ABL1: variants seen among roughly 807,000 people sequenced by gnomAD.
The protein encoded by ABL1 is tyrosine-protein kinase ABL1.
Under a neutral mutation model 94.7 loss-of-function variants are expected in ABL1, and 11 were observed. The observed-to-expected ratio is 0.12, with a 90% confidence interval of 0.07 to 0.19. The LOEUF (loss-of-function observed/expected upper bound fraction) is 0.19. ABL1 is among the 10% of genes least tolerant of loss of function. The pLI is 1.00. For missense variants in ABL1, 1,082 were observed against 1,489.4 expected (o/e 0.73, Z 4.50); for synonymous variants, 656 against 622.4 (o/e 1.05, Z -0.80).
chr9:130,867,316 T>C (rs773048295), intron 4 of ABL1, among the ~76,000 whole-genome samples: 54 of 152,244 alleles, frequency 3.5e-4, no homozygotes, highest in Non-Finnish European at 6.5e-4. Context: ...TTGTTCCTTA[T>C]TGATATACAT....
intron 1 of ABL1, among the ~76,000 whole-genome samples, chr9:130,743,494 C>T (rs1210346908): frequency 6.6e-6 from 1 of 152,214 alleles, no homozygotes; most frequent in African/African-American, 2.4e-5. Flanking sequence ...CCTAAGGTCT[C>T]TCTCTTGAGA....
chr9:130,884,678 G>A lies in ABL1; in HGVS notation c.2388G>A (p.Glu796=), dbSNP rs775513562. The change falls in exon 11 of 11, where the codon GAG becomes GAA. Residue 796 remains glutamate (E), a synonymous_variant. Transcript: ENST00000318560. The surrounding 1 kb of genome is among the most constrained non-coding windows in gnomAD (Gnocchi z 5.6). ...AAAAGAATGAGGAAGCTGCTGATGAGGTCTTCAAAGACATCATGGAGTCCA... is the reference window on the plus strand; with the variant it reads ...AAAAGAATGAGGAAGCTGCTGATGAAGTCTTCAAAGACATCATGGAGTCCA... ...LVKKNEEAAD[E]VFKDIMESSP... 1 of 1,612,964 alleles carries A rather than the reference G, an allele frequency of 6.2e-7. No individual in the cohort carries two copies. The highest frequency in any genetic ancestry group is 1.1e-5 in the South Asian group (1 of 91,070).
rs1410130165 is a variant in ABL1, at chr9:130,714,416, A to C, written c.97A>C (p.Arg33=). ...AGGAGCAGGGAAGAAGGAATCATCG[A>C]GGCATGGGGGTCCACACTGCAATGT... is the stretch of plus-strand genomic sequence containing the variant. Residue 33 remains arginine (R), a synonymous_variant, in exon 1 of 11, where the codon AGG becomes CGG. Transcript: ENST00000372348. 1.9e-6 allele frequency: 3 copies of C among 1,614,002 alleles called. No individual in the cohort carries two copies. The African/African-American group carries it at 4.0e-5, about 22-fold the overall frequency.
chr9:130,714,361 G>A lies in ABL1; in HGVS notation c.42G>A (p.Arg14=), dbSNP rs1831408899. 6.2e-7 allele frequency: 1 copy of A among 1,613,466 alleles called. No individual in the cohort carries two copies. Among genetic ancestry groups the A allele is most frequent in the South Asian group, 1.1e-5 (1 of 91,018 alleles). ...GAAAAGTACTTGGGGACCAAAGAAGGCCAAGCTTGCCTGCCCTGCATTTTA... is the reference window on the plus strand; with the variant it reads ...GAAAAGTACTTGGGGACCAAAGAAGACCAAGCTTGCCTGCCCTGCATTTTA... Residue 14 remains arginine (R), a synonymous_variant, in exon 1 of 11, where the codon AGG becomes AGA. Coordinates refer to the ABL1 transcript ENST00000372348.
At chr9:130,733,951 CCTTT>C (rs1221010766) in intron 1 of ABL1, among the ~76,000 whole-genome samples, 1 of 151,986 alleles carries the variant, frequency 6.6e-6, no homozygotes, top group African/African-American at 2.4e-5. Context: ...ACGCATTATT[CCTTT>C]CTTTCAGTAG....
In ABL1 at chr9:130,862,693, A is replaced by G. The variant is rs534700488; in HGVS notation, c.550-70A>G. ...TGTGTAGTGAATTAAGGCTCAGCCA[A>G]ACTGGCTCACGTGAGCTCTTTGAGC... is the stretch of plus-strand genomic sequence containing the variant. On this transcript the variant is annotated intron_variant, in intron 3 of 10. Transcript: ENST00000318560. This position sits in a 1 kb window ranked among gnomAD's most constrained non-coding sequence, Gnocchi z 5.5. 5.8e-6 allele frequency: 9 copies of G among 1,553,218 alleles called. No individual in the cohort carries two copies. The highest frequency in any genetic ancestry group is 4.1e-5 in the African/African-American group (3 of 73,360).
chr9:130,885,493 T>C lies in ABL1; in HGVS notation c.3203T>C (p.Val1068Ala), dbSNP rs768811183. The C allele has an allele frequency of 3.7e-6, 6 of 1,613,992 alleles. No homozygotes were observed. Among genetic ancestry groups the C allele is most frequent in the Non-Finnish European group, 5.1e-6 (6 of 1,180,040 alleles). Residue 1068 changes from valine (V) to alanine (A), a missense_variant, in exon 11 of 11, where the codon GTG becomes GCG. By Grantham distance (64) the Val-to-Ala change is moderately conservative. Coordinates refer to ENST00000318560, the MANE Select transcript of ABL1 (RefSeq NM_005157.6). ...GGCAAAAACCTCTACACGTTCTGCG[T>C]GAGCTATGTGGATTCCATCCAGCAA... Reference protein sequence around the residue: ...EAGKNLYTFCVSYVDSIQQMR... With the variant: ...EAGKNLYTFCASYVDSIQQMR...
chr9:130,717,639 G>T (rs965176767), intron 1 of ABL1, among the ~76,000 whole-genome samples: 2 of 151,364 alleles, frequency 1.3e-5, no homozygotes, highest in African/African-American at 4.9e-5. Flanking sequence ...GCAATAGAGG[G>T]AGACCGTGTC....
intron 1 of ABL1, among the ~76,000 whole-genome samples, chr9:130,737,438 T>A (rs140398002): frequency 0.012 from 1,760 of 151,876 alleles, 52 homozygotes; most frequent in East Asian, 0.11. Context: ...CAGCTAATTT[T>A]TGTATCTTTT....
At position 130,721,973 on chromosome 9, in the gene ABL1, G is replaced by A. The variant is rs190154793; in HGVS notation, c.136+7518G>A. ...AATTTTTTGTATTTTTATTAGAGAC[G>A]GGGTTTCACCCTGTTAGCCAGGATG... On this transcript the variant is annotated intron_variant, in intron 1 of 10. Coordinates refer to the ABL1 transcript ENST00000372348. Among the ~76,000 whole-genome samples the A allele has an allele frequency of 7.9e-5, 12 of 151,514 alleles. No homozygotes were observed. The East Asian group carries it at 1.8e-3, about 22-fold the overall frequency.
chr9:130,830,250 G>C (rs1426982862), intron 1 of ABL1, among the ~76,000 whole-genome samples: 1 of 152,084 alleles, frequency 6.6e-6, no homozygotes, highest in South Asian at 2.1e-4. Flanking sequence ...TCTAGAAAGC[G>C]GATTTACTCT....
intron 1 of ABL1, among the ~76,000 whole-genome samples, chr9:130,782,951 T>C (rs1020141299): frequency 6.6e-6 from 1 of 152,220 alleles, no homozygotes; most frequent in African/African-American, 2.4e-5. Flanking sequence ...CTCTCTTACA[T>C]AGAAACATTT....
chr9:130,856,912 T>C (rs1830984230), intron 3 of ABL1, among the ~76,000 whole-genome samples: 1 of 152,224 alleles, frequency 6.6e-6, no homozygotes, highest in African/African-American at 2.4e-5. Flanking sequence ...TCTTTAGTTA[T>C]TGTAAATAAT....
chr9:130,858,398 T>C (rs1831008988), intron 3 of ABL1, among the ~76,000 whole-genome samples: 2 of 152,124 alleles, frequency 1.3e-5, no homozygotes, highest in South Asian at 4.1e-4. Context: ...GACCAGGCAG[T>C]GTCCACCATT....
chr9:130,881,747 C>T (rs1472296773), intron 10 of ABL1, among the ~76,000 whole-genome samples: 1 of 152,036 alleles, frequency 6.6e-6, no homozygotes, highest in Admixed American at 6.6e-5. Flanking sequence ...TGGTGGACTC[C>T]ATTCTAATGG....
At position 130,884,093 on chromosome 9, in the gene ABL1, C is replaced by T. The variant is rs780716188; in HGVS notation, c.1803C>T (p.Ser601=). 6 of 1,613,882 alleles carry T rather than the reference C, an allele frequency of 3.7e-6. No homozygotes were observed. The highest frequency in any genetic ancestry group is 4.5e-5 in the East Asian group (2 of 44,880). The stretch of plus-strand genomic sequence containing the variant: ...AAGACAAAAAGACCAACTTGTTCAG[C>T]GCCTTGATCAAGAAGAAGAAGAAGA... ...LPKDKKTNLF[S]ALIKKKKKTA... Residue 601 remains serine, a synonymous_variant, in exon 11 of 11, where the codon AGC becomes AGT. Transcript: ENST00000318560. This position sits in a 1 kb window ranked among gnomAD's most constrained non-coding sequence, Gnocchi z 5.6.
chr9:130,882,132 C>T lies in ABL1; in HGVS notation c.1678+1468C>T, dbSNP rs552715459. On this transcript the variant is annotated intron_variant, in intron 10 of 10. Coordinates refer to ENST00000318560, the MANE Select transcript of ABL1 (RefSeq NM_005157.6). ...CTCCTCTTATCGGTTTTCCTGATTT[C>T]AGGTGGCTGAGCAGTAGGGAGGAGA... Among the ~76,000 whole-genome samples, 317 of 152,272 alleles carry T rather than the reference C, an allele frequency of 2.1e-3. 1 individual carries two copies. The highest frequency in any genetic ancestry group is 7.3e-3 in the African/African-American group (304 of 41,560).
intron 1 of ABL1, among the ~76,000 whole-genome samples, chr9:130,817,560 GC>G (rs1830304281): frequency 6.6e-6 from 1 of 152,220 alleles, no homozygotes; most frequent in Non-Finnish European, 1.5e-5. Flanking sequence ...ACTGGACACA[GC>G]AGTAGGGTGG....
intron 1 of ABL1, among the ~76,000 whole-genome samples, chr9:130,754,054 A>T (rs1832008264): frequency 6.6e-6 from 1 of 151,470 alleles, no homozygotes; most frequent in African/African-American, 2.4e-5. Context: ...AAATATAAAA[A>T]AAATTAGCTG....
Sources: gnomAD v4.1 joint callset for allele counts (sites outside exome capture counted in the v4.1 genomes callset) on GRCh38, gnomAD v4.1.1 for gene constraint, Gnocchi (gnomAD v3.1) non-coding constraint, MANE v1.5 for transcripts, NCBI Gene and HGNC (gene_info 2026-07-23, HGNC 2026-07-21) for gene names.